Variants in TTC28 observed in about 807,000 individuals in gnomAD.
The protein encoded by TTC28 is tetratricopeptide repeat protein 28.
Under a neutral mutation model 198.0 loss-of-function variants are expected in TTC28, and 61 were observed. The ratio of observed to expected loss-of-function variants is 0.31; its 90% CI spans 0.25 to 0.38. The LOEUF (loss-of-function observed/expected upper bound fraction) is 0.38, where lower values mean the gene tolerates loss of function less well. TTC28 is among the 10% of genes least tolerant of loss of function. The pLI is 1.00. For synonymous variants in TTC28, 1,171 were observed against 1,297.8 expected, an observed-to-expected ratio of 0.90 and a Z score of 2.10; for missense variants, 2,678 against 3,164.0, an observed-to-expected ratio of 0.85 and a Z score of 3.69.
intron 12 of TTC28, among the ~76,000 whole-genome samples, chr22:28,088,850 G>A (rs551340698): frequency 1.2e-3 from 185 of 152,262 alleles, no homozygotes; most frequent in African/African-American, 4.0e-3. Context: ...AAAAGTGGGC[G>A]AAGGACATGA....
At chr22:28,388,577 A>T (rs1173188617) in intron 2 of TTC28, among the ~76,000 whole-genome samples, 1 of 152,030 alleles carries the variant, frequency 6.6e-6, no homozygotes, top group African/African-American at 2.4e-5. Context: ...TGTAATTTGG[A>T]TTCCTAGGTA....
chr22:28,082,507 A>C (rs1480187013), intron 12 of TTC28, among the ~76,000 whole-genome samples: 2 of 152,216 alleles, frequency 1.3e-5, no homozygotes, highest in Admixed American at 1.3e-4. Context: ...TCAAATGATC[A>C]TGTGTTTTTT....
chr22:28,261,369 ATCCC>A (rs1299182213), intron 5 of TTC28, among the ~76,000 whole-genome samples: 1 of 152,150 alleles, frequency 6.6e-6, no homozygotes, highest in Admixed American at 6.6e-5. Context: ...CAACAGGGTG[ATCCC>A]TGGAGGCCTC....
chr22:28,286,864 A>G (rs1413449639), intron 5 of TTC28, among the ~76,000 whole-genome samples: 2 of 152,194 alleles, frequency 1.3e-5, no homozygotes, highest in Non-Finnish European at 2.9e-5. Flanking sequence ...CTACACTGAA[A>G]AGAATAAAAC....
intron 5 of TTC28, among the ~76,000 whole-genome samples, chr22:28,295,525 TG>T (rs2044876122): frequency 6.6e-6 from 1 of 152,030 alleles, no homozygotes; most frequent in African/African-American, 2.4e-5. Flanking sequence ...AATAAGAAAA[TG>T]GAGGAGAAAA....
intron 2 of TTC28, among the ~76,000 whole-genome samples, chr22:28,598,693 G>A (rs1029665185): frequency 3.9e-5 from 6 of 152,014 alleles, no homozygotes; most frequent in African/African-American, 7.2e-5. Context: ...GATTATCCTG[G>A]ATATAAAGAG....
At chr22:28,491,881 C>T (rs2048384874) in intron 2 of TTC28, among the ~76,000 whole-genome samples, 1 of 152,066 alleles carries the variant, frequency 6.6e-6, no homozygotes, top group African/African-American at 2.4e-5. Context: ...CAATGATAGA[C>T]TGGATTAAGA....
intron 12 of TTC28, among the ~76,000 whole-genome samples, chr22:28,051,024 G>T (rs1940066419): frequency 6.6e-6 from 1 of 152,164 alleles, no homozygotes; most frequent in Non-Finnish European, 1.5e-5. Flanking sequence ...CTATCAAACT[G>T]AGTCTATTTG....
chr22:28,121,397 T>C (rs767750042), intron 6 of TTC28, among the ~76,000 whole-genome samples: 2 of 152,178 alleles, frequency 1.3e-5, no homozygotes, highest in Non-Finnish European at 2.9e-5. Flanking sequence ...GCCAACCACT[T>C]CTTCCATGCA....
At chr22:28,344,171 T>C (rs561521277) in intron 2 of TTC28, among the ~76,000 whole-genome samples, 80 of 150,818 alleles carry the variant, frequency 5.3e-4, no homozygotes, top group Non-Finnish European at 9.7e-4. Flanking sequence ...AACTCAGAAA[T>C]TAAGCTATAT....
intron 2 of TTC28, among the ~76,000 whole-genome samples, chr22:28,457,659 A>G (rs893708235): frequency 6.6e-6 from 1 of 152,242 alleles, no homozygotes; most frequent in African/African-American, 2.4e-5. Flanking sequence ...CATAATAATC[A>G]AATCAAATAG....
rs150112448 is a variant in TTC28, at chr22:28,173,208, A to T, written c.934-9609T>A. Among the ~76,000 whole-genome samples the T allele has an allele frequency of 3.8e-3, 580 of 152,308 alleles. 8 individuals are homozygous for T. The South Asian group carries it at 0.045, about 12-fold the overall frequency. ...AACATGTGATGATACTTATCAGCTA[A>T]GTGAATCACAAATTAATCACTTGTC... On this transcript the variant is annotated intron_variant, in intron 5 of 22. Transcript: ENST00000397906.
intron 5 of TTC28, among the ~76,000 whole-genome samples, chr22:28,217,548 T>C (rs1000748920): frequency 1.3e-5 from 2 of 152,212 alleles, no homozygotes; most frequent in Non-Finnish European, 2.9e-5. Context: ...AGCACATTTA[T>C]TGTCATTAGT....
intron 5 of TTC28, among the ~76,000 whole-genome samples, chr22:28,233,604 G>A (rs1038196730): frequency 6.6e-6 from 1 of 152,104 alleles, no homozygotes; most frequent in Non-Finnish European, 1.5e-5. Context: ...AGACTCACCA[G>A]CAATACATCA....
At chr22:28,592,893 A>T (rs1041551653) in intron 2 of TTC28, among the ~76,000 whole-genome samples, 3 of 152,202 alleles carry the variant, frequency 2.0e-5, no homozygotes, top group African/African-American at 7.2e-5. Flanking sequence ...ATTATTGACC[A>T]TCATCTGGGC....
At chr22:28,663,422 G>C (rs1031609038) in intron 1 of TTC28, among the ~76,000 whole-genome samples, 3 of 147,334 alleles carry the variant, frequency 2.0e-5, no homozygotes, top group East Asian at 4.0e-4. Context: ...GACAGTGGGC[G>C]CAGGCCAGTG....
At chr22:28,140,494 C>T (rs1943306352) in intron 6 of TTC28, among the ~76,000 whole-genome samples, 1 of 152,240 alleles carries the variant, frequency 6.6e-6, no homozygotes, top group Admixed American at 6.5e-5. Context: ...CTCTGCAGAA[C>T]TTTTCTGTCA....
chr22:28,067,890 T>C (rs114783312), intron 12 of TTC28, among the ~76,000 whole-genome samples: 293 of 152,362 alleles, frequency 1.9e-3, no homozygotes, highest in African/African-American at 6.1e-3. Context: ...TTAGCCCATT[T>C]TGATTTAGGC....
intron 5 of TTC28, among the ~76,000 whole-genome samples, chr22:28,208,343 T>C (rs761674258): frequency 1.6e-4 from 24 of 152,264 alleles, no homozygotes; most frequent in Non-Finnish European, 3.2e-4. Flanking sequence ...TCTTCATCCA[T>C]ATAGTATGCA....
Sources: allele counts gnomAD v4.1 joint callset (sites outside exome capture counted in the v4.1 genomes callset), GRCh38; gene constraint gnomAD v4.1.1; transcripts MANE v1.5; gene names NCBI Gene and HGNC (gene_info 2026-07-23, HGNC 2026-07-21).